EMC3: variants seen among roughly 807,000 people sequenced by gnomAD.
EMC3 encodes ER membrane protein complex subunit 3, also known as 30 kDa protein.
Under a neutral mutation model 36.6 loss-of-function variants are expected in EMC3, and 13 were observed. The ratio of observed to expected loss-of-function variants is 0.35; its 90% CI spans 0.23 to 0.56. The LOEUF (loss-of-function observed/expected upper bound fraction) is 0.56. Among genes scored for constraint, EMC3 ranks in the 20% least tolerant of loss-of-function variants. The pLI is 0.84. For missense variants in EMC3, 220 were observed against 324.5 expected (o/e 0.68, Z 2.47); for synonymous variants, 120 against 111.9 (o/e 1.07, Z -0.46).
intron 1 of EMC3, among the ~76,000 whole-genome samples, chr3:9,981,106 G>C (rs907305842): frequency 2.6e-5 from 4 of 152,208 alleles, no homozygotes; most frequent in African/African-American, 9.7e-5. Context: ...TCGGGAGGCT[G>C]TGGGAGGATC....
chr3:9,983,132 T>C (rs1053595749), intron 1 of EMC3, among the ~76,000 whole-genome samples: 3 of 151,030 alleles, frequency 2.0e-5, no homozygotes, highest in Admixed American at 6.6e-5. Context: ...GTAGGGGGCG[T>C]AATGGTAATC....
chr3:10,001,872 G>C (rs189960160), intron 1 of EMC3, among the ~76,000 whole-genome samples: 6 of 151,920 alleles, frequency 3.9e-5, no homozygotes, highest in African/African-American at 1.5e-4. Context: ...GGTGGCGGGT[G>C]CCTGTAGTCC....
intron 1 of EMC3, chr3:10,004,023 ACGTTTC>A (rs1461857439): frequency 6.6e-6 from 1 of 152,156 alleles, no homozygotes; most frequent in Non-Finnish European, 1.5e-5. Flanking sequence ...TGGCCCTGGA[ACGTTTC>A]CTAGGCCAGG....
chr3:9,975,728 C>A (rs928434480), intron 3 of EMC3, among the ~76,000 whole-genome samples: 1 of 148,518 alleles, frequency 6.7e-6, no homozygotes, highest in South Asian at 2.1e-4. Flanking sequence ...AGGAGAATCG[C>A]GTGAACCCGG....
chr3:9,970,319 C>T (rs551588662), intron 6 of EMC3, among the ~76,000 whole-genome samples: 110 of 152,346 alleles, frequency 7.2e-4, no homozygotes, highest in African/African-American at 2.6e-3. Flanking sequence ...CAGGCTTACA[C>T]TGCTGGTGCT....
intron 1 of EMC3, among the ~76,000 whole-genome samples, chr3:9,985,122 C>T (rs1452701456): frequency 6.6e-6 from 1 of 152,150 alleles, no homozygotes; most frequent in Admixed American, 6.5e-5. Context: ...TTGTCCAACG[C>T]TTGTATCATT....
intron 7 of EMC3, among the ~76,000 whole-genome samples, chr3:9,965,416 C>CGATAGATAGATAGATAGATA (rs57264688): frequency 2.7e-5 from 4 of 145,862 alleles, no homozygotes; most frequent in African/African-American, 2.6e-5. Flanking sequence ...GTGAGACCCT[C>CGATAGATAGATAGATAGATA]GATAGATAGA....
intron 1 of EMC3, chr3:10,008,589 A>C (rs2086289710): frequency 1.8e-6 from 1 of 568,350 alleles, no homozygotes; most frequent in African/African-American, 1.9e-5. Context: ...GGGTGGGTTC[A>C]GCTCCACTGT....
Position 9,986,796 on chromosome 3 carries a change from T to A in EMC3, c.-135A>T. 4 of 1,462,340 alleles carry A rather than the reference T, an allele frequency of 2.7e-6. No individual in the cohort carries two copies. Among genetic ancestry groups the A allele is most frequent in the Non-Finnish European group, 3.6e-6 (4 of 1,106,176 alleles). The allele number at this position is 1,462,340 out of a possible 1,614,324, so 90.6% of individuals were successfully genotyped here. On this transcript the variant is annotated 5_prime_UTR_variant, in exon 1 of 8. Coordinates refer to ENST00000245046, the MANE Select transcript of EMC3 (RefSeq NM_001394674.1). ...GTACCCCAGAACTCTCCTGCGACTG[T>A]GAGCCGAGCTTACTGCCTTCAGCTG...
intron 1 of EMC3, among the ~76,000 whole-genome samples, chr3:9,981,180 A>G (rs1370278816): frequency 1.3e-5 from 2 of 152,216 alleles, no homozygotes; most frequent in Non-Finnish European, 2.9e-5. Context: ...CGCAGCCTCA[A>G]TCACTGCAGC....
intron 1 of EMC3, chr3:9,993,129 T>C: frequency 1.5e-6 from 1 of 671,432 alleles, no homozygotes; most frequent in South Asian, 1.8e-5. Context: ...GAATTTTATT[T>C]TTGCATTAAC....
In EMC3 at chr3:9,996,436, C is replaced by T. The variant is rs576145569; in HGVS notation, c.-241-9534G>A. 3.9e-5 allele frequency among the ~76,000 whole-genome samples: 6 copies of T among 152,198 alleles called. No individual in the cohort carries two copies. In the East Asian group the frequency reaches 1.2e-3, roughly 29 times the overall value. ...CTCCAGCCTGGGCAACAGAGTGAGA[C>T]TCTATCTCAAAAATAGACACATAAA... On this transcript the variant is annotated intron_variant, in intron 1 of 8. Transcript: ENST00000470827.
intron 7 of EMC3, among the ~76,000 whole-genome samples, chr3:9,965,733 C>T (rs2085731118): frequency 6.6e-6 from 1 of 152,084 alleles, no homozygotes; most frequent in Non-Finnish European, 1.5e-5. Flanking sequence ...TTCACTTATT[C>T]TGGGCATATG....
At position 10,007,835 on chromosome 3, in the gene EMC3, C is replaced by G. The variant is rs187330112; in HGVS notation, c.-242+3188G>C. Reference sequence around the variant, plus strand: ...ATGGCCGGCATCTGAGTGTGGCAACCTTGAACATTTGGTTACCCTACCCAC... The same window carrying G: ...ATGGCCGGCATCTGAGTGTGGCAACGTTGAACATTTGGTTACCCTACCCAC... On this transcript the variant is annotated intron_variant, in intron 1 of 8. Transcript: ENST00000470827. Among the ~76,000 whole-genome samples the G allele has an allele frequency of 5.3e-5, 8 of 152,228 alleles. No homozygotes were observed. The East Asian group carries it at 7.7e-4, about 15-fold the overall frequency.
At chr3:9,975,432 G>C (rs983723471) in intron 3 of EMC3, among the ~76,000 whole-genome samples, 1 of 151,922 alleles carries the variant, frequency 6.6e-6, no homozygotes, top group Non-Finnish European at 1.5e-5. Flanking sequence ...CCAATGGTGA[G>C]GGAGCCTAAC....
At chr3:9,974,322 A>T in intron 4 of EMC3, 62 bp downstream of exon 4, 1 of 1,079,496 alleles carries the variant, frequency 9.3e-7, no homozygotes, top group Non-Finnish European at 1.4e-6. Flanking sequence ...CTGTGATATT[A>T]GTGTCTCACT....
At chr3:9,982,900 G>GA (rs1170798242) in intron 1 of EMC3, among the ~76,000 whole-genome samples, 2 of 148,540 alleles carry the variant, frequency 1.3e-5, no homozygotes, top group Admixed American at 6.7e-5. Context: ...AAAAAAAAAA[G>GA]AAAAAAAAAG....
At position 9,977,033 on chromosome 3, in the gene EMC3, T is replaced by C. The variant is rs2085857203; in HGVS notation, c.231A>G (p.Lys77=). 6.2e-7 allele frequency: 1 copy of C among 1,605,376 alleles called. No homozygotes were observed. Among genetic ancestry groups the C allele is most frequent in the African/African-American group, 1.3e-5 (1 of 74,338 alleles). ...YIPKQSFLTR[K]YYFNNPEDGF... is the part of the protein sequence containing the mutation. ...CATCCTCTGGGTTGTTGAAATAATA[T>C]TTTCGTGTCAAGAAAGACTAGTAAA... Residue 77 remains lysine (K), a synonymous_variant, in exon 3 of 8, where the codon AAA becomes AAG. Transcript: ENST00000245046.
At chr3:9,975,052 G>T (rs1344528258) in intron 3 of EMC3, among the ~76,000 whole-genome samples, 1 of 151,072 alleles carries the variant, frequency 6.6e-6, no homozygotes, top group Non-Finnish European at 1.5e-5. Context: ...GTAGAGACGG[G>T]GTTTCACCAT....
Sources: allele counts gnomAD v4.1 joint callset (sites outside exome capture counted in the v4.1 genomes callset), GRCh38; gene constraint gnomAD v4.1.1; transcripts MANE v1.5; gene names NCBI Gene and HGNC (gene_info 2026-07-23, HGNC 2026-07-21).